Variants in SHOC2 observed in about 807,000 individuals in gnomAD.
The protein encoded by SHOC2 is SHOC2 leucine rich repeat scaffold protein.
A neutral mutation model predicts 50.2 loss-of-function variants in SHOC2; 4 were observed. That is an observed-to-expected ratio of 0.08 (90% CI 0.04 to 0.18). The LOEUF (loss-of-function observed/expected upper bound fraction) is 0.18, where lower values mean the gene tolerates loss of function less well. Ranked by LOEUF, SHOC2 falls within the 10% of genes least tolerant of loss-of-function variation. The pLI, the probability that SHOC2 is intolerant of heterozygous loss-of-function variation, is 1.00. For missense variants in SHOC2, 388 were observed against 669.6 expected (o/e 0.58, Z 4.64); for synonymous variants, 218 against 244.5 (o/e 0.89, Z 1.01).
intron 7 of SHOC2, 50 bp downstream of exon 7, chr10:111,009,435 C>T: frequency 5.6e-6 from 8 of 1,426,876 alleles, no homozygotes; most frequent in Non-Finnish European, 7.9e-6. Flanking sequence ...GGAATCTGTT[C>T]CAAATTCCAC....
chr10:111,011,893 T>A lies in SHOC2; in HGVS notation c.*75T>A. 4 of 1,170,386 alleles carry A rather than the reference T, an allele frequency of 3.4e-6. No homozygotes were observed. The highest frequency in any genetic ancestry group is 5.1e-6 in the Non-Finnish European group (4 of 783,698). The allele number at this position is 1,170,386 out of a possible 1,614,324, so 72.5% of individuals were successfully genotyped here. Reference sequence around the variant, plus strand: ...GTTTCTTATCTATATCTGTATCTATTTATGTAGATATTGGTATATGGCAGA... The same window carrying A: ...GTTTCTTATCTATATCTGTATCTATATATGTAGATATTGGTATATGGCAGA... On this transcript the variant is annotated 3_prime_UTR_variant, in exon 9 of 9. Coordinates refer to ENST00000369452, the MANE Select transcript of SHOC2 (RefSeq NM_007373.4).
chr10:110,979,051 A>G (rs1419545934), intron 2 of SHOC2, among the ~76,000 whole-genome samples: 1 of 152,230 alleles, frequency 6.6e-6, no homozygotes, highest in Non-Finnish European at 1.5e-5. Flanking sequence ...ATCAGGCACA[A>G]CTTAACTGGA....
At chr10:111,001,517 T>A (rs1351501876) in intron 4 of SHOC2, among the ~76,000 whole-genome samples, 1 of 152,210 alleles carries the variant, frequency 6.6e-6, no homozygotes, top group Admixed American at 6.5e-5. Flanking sequence ...CTATTGACTT[T>A]CTTTTCCCAC....
At chr10:110,940,544 T>C (rs1183687013) in intron 1 of SHOC2, among the ~76,000 whole-genome samples, 3 of 152,210 alleles carry the variant, frequency 2.0e-5, no homozygotes, top group African/African-American at 7.2e-5. Flanking sequence ...AATTCAATTA[T>C]TTATAGTTAT....
intron 5 of SHOC2, 35 bp downstream of exon 5, chr10:111,004,829 G>A: frequency 7.1e-7 from 1 of 1,411,234 alleles, no homozygotes. Context: ...GAAAGGAATT[G>A]CTTTAATTGG....
At chr10:110,950,177 TAATA>T (rs988724942) in intron 1 of SHOC2, among the ~76,000 whole-genome samples, 2 of 152,182 alleles carry the variant, frequency 1.3e-5, no homozygotes, top group Non-Finnish European at 2.9e-5. Context: ...ATGTTAGAAT[TAATA>T]AATGAATTCA....
Position 110,919,957 on chromosome 10 carries a change from T to TGCG in SHOC2, c.-235+314_-235+316dup, listed in dbSNP as rs886500854. On this transcript the variant is annotated intron_variant, in intron 1 of 8. Transcript: ENST00000369452. ...GTGTGACAGCGGCCGGGGCCGGGCC[T>TGCG]GCGGCGGCGGCGGCGGGCGGCCCGG... 4.1e-3 allele frequency: 654 copies of TGCG among 158,176 alleles called. 5 individuals are homozygous for TGCG. Among genetic ancestry groups the TGCG allele is most frequent in the Non-Finnish European group, 5.8e-3 (441 of 75,642 alleles). 9.8% of individuals were successfully genotyped at this position (158,176 alleles called of 1,614,324 possible).
At chr10:110,940,904 T>A in intron 1 of SHOC2, among the ~76,000 whole-genome samples, 1 of 138,320 alleles carries the variant, frequency 7.2e-6, no homozygotes, top group Non-Finnish European at 1.5e-5. Flanking sequence ...GTGGTATTTG[T>A]GGTGGGTTTT....
chr10:110,939,025 A>G (rs1455310244), intron 1 of SHOC2, among the ~76,000 whole-genome samples: 3 of 152,248 alleles, frequency 2.0e-5, no homozygotes, highest in South Asian at 4.1e-4. Flanking sequence ...TAAACATCAA[A>G]AATTGATCTT....
intron 5 of SHOC2, among the ~76,000 whole-genome samples, chr10:111,005,914 A>C (rs1564729814): frequency 6.6e-6 from 1 of 152,194 alleles, no homozygotes; most frequent in Admixed American, 6.5e-5. Context: ...CTTGCTCATA[A>C]ATATGGTGTG....
chr10:110,940,525 A>G (rs143150688), intron 1 of SHOC2, among the ~76,000 whole-genome samples: 116 of 152,336 alleles, frequency 7.6e-4, no homozygotes, highest in African/African-American at 2.7e-3. Flanking sequence ...TGCATGTATC[A>G]TGTATGTAAA....
intron 1 of SHOC2, among the ~76,000 whole-genome samples, chr10:110,925,098 AT>A (rs1846739689): frequency 6.6e-6 from 1 of 150,742 alleles, no homozygotes; most frequent in African/African-American, 2.4e-5. Context: ...AAAAATTAAA[AT>A]AAAAAGCAAT....
intron 2 of SHOC2, among the ~76,000 whole-genome samples, chr10:110,983,706 G>A (rs1020130541): frequency 2.0e-5 from 3 of 151,970 alleles, no homozygotes; most frequent in Non-Finnish European, 2.9e-5. Flanking sequence ...TACTAACCAC[G>A]GTTCTGCTTT....
chr10:110,985,882 T>C, intron 3 of SHOC2, 117 bp downstream of exon 3: 1 of 841,638 alleles, frequency 1.2e-6, no homozygotes, highest in East Asian at 2.6e-5. Flanking sequence ...ATTACCAAAG[T>C]TGTAAAACTT....
chr10:110,927,283 C>A (rs144888126), intron 1 of SHOC2, among the ~76,000 whole-genome samples: 49 of 152,146 alleles, frequency 3.2e-4, no homozygotes, highest in Admixed American at 3.2e-3. Flanking sequence ...AAAATTTCAC[C>A]AGAGCTTTAG....
chr10:110,990,124 A>G (rs903614675), intron 3 of SHOC2, among the ~76,000 whole-genome samples: 2 of 152,256 alleles, frequency 1.3e-5, no homozygotes, highest in African/African-American at 4.8e-5. Flanking sequence ...GAAAAACAAA[A>G]TGTTCAAGGG....
intron 1 of SHOC2, among the ~76,000 whole-genome samples, chr10:110,945,124 T>C (rs1041284207): frequency 6.6e-6 from 1 of 152,244 alleles, no homozygotes; most frequent in African/African-American, 2.4e-5. Flanking sequence ...GCTCCAACTG[T>C]TATTCACTGC....
chr10:110,986,156 A>G (rs1848072370), intron 3 of SHOC2, among the ~76,000 whole-genome samples: 1 of 152,202 alleles, frequency 6.6e-6, no homozygotes. Flanking sequence ...TAGTTTTTTA[A>G]ACATGGCCAA....
At chr10:110,941,258 C>G (rs1590786886) in intron 1 of SHOC2, among the ~76,000 whole-genome samples, 1 of 151,640 alleles carries the variant, frequency 6.6e-6, no homozygotes, top group South Asian at 2.1e-4. Flanking sequence ...TACTTGTTTT[C>G]TGTATCTCTT....
Sources: gnomAD v4.1 joint callset for allele counts (sites outside exome capture counted in the v4.1 genomes callset) on GRCh38, gnomAD v4.1.1 for gene constraint, MANE v1.5 for transcripts, NCBI Gene and HGNC (gene_info 2026-07-23, HGNC 2026-07-21) for gene names.